The following PRKCE variants were observed in gnomAD, a reference collection of about 807,000 sequenced individuals.
The protein encoded by PRKCE is protein kinase C epsilon type.
A neutral mutation model predicts 85.4 loss-of-function variants in PRKCE; 16 were observed. The observed-to-expected ratio is 0.19, with a 90% CI of 0.13 to 0.28. The LOEUF (loss-of-function observed/expected upper bound fraction) is 0.28. Among genes scored for constraint, PRKCE ranks in the 10% least tolerant of loss-of-function variants. PRKCE has a pLI of 1.00. For synonymous variants in PRKCE, 388 were observed against 371.5 expected (o/e 1.04, Z -0.51); for missense variants, 573 against 975.2 (o/e 0.59, Z 5.49).
chr2:45,729,541 A>C (rs1002214281), intron 1 of PRKCE, among the ~76,000 whole-genome samples: 1 of 152,150 alleles, frequency 6.6e-6, no homozygotes, highest in African/African-American at 2.4e-5. Flanking sequence ...AGCCTGAAGG[A>C]TATTTTTAGG....
At chr2:46,144,280 C>G (rs1426111170) in intron 11 of PRKCE, among the ~76,000 whole-genome samples, 1 of 152,186 alleles carries the variant, frequency 6.6e-6, no homozygotes, top group Non-Finnish European at 1.5e-5. Context: ...TTTCCCCCAC[C>G]CAGCCTGCTT....
At chr2:45,760,733 T>C (rs1684398981) in intron 1 of PRKCE, among the ~76,000 whole-genome samples, 2 of 152,178 alleles carry the variant, frequency 1.3e-5, no homozygotes, top group South Asian at 2.1e-4. Context: ...GGAAAGCTCG[T>C]TGGCCTTGGT....
intron 10 of PRKCE, among the ~76,000 whole-genome samples, chr2:46,080,369 A>G (rs1052975873): frequency 6.6e-6 from 1 of 152,248 alleles, no homozygotes; most frequent in Non-Finnish European, 1.5e-5. Flanking sequence ...GGTCATGAAC[A>G]TGGAGCTTTG....
intron 2 of PRKCE, among the ~76,000 whole-genome samples, chr2:45,965,468 A>C (rs1373187728): frequency 6.6e-6 from 1 of 152,248 alleles, no homozygotes; most frequent in African/African-American, 2.4e-5. Context: ...TGAAAGGGAA[A>C]ATTAAGTAGA....
chr2:45,796,540 T>A (rs1251794563), intron 1 of PRKCE, among the ~76,000 whole-genome samples: 1 of 152,182 alleles, frequency 6.6e-6, no homozygotes, highest in Non-Finnish European at 1.5e-5. Flanking sequence ...GGTGGCACTG[T>A]CTTATCTTGA....
At chr2:45,999,272 T>A (rs191711270) in intron 6 of PRKCE, among the ~76,000 whole-genome samples, 26 of 152,320 alleles carry the variant, frequency 1.7e-4, no homozygotes, top group African/African-American at 6.3e-4. Flanking sequence ...GGCAGATCAC[T>A]GCCCATAAAT....
intron 10 of PRKCE, among the ~76,000 whole-genome samples, chr2:46,011,886 T>G (rs1705711282): frequency 6.6e-6 from 1 of 152,212 alleles, no homozygotes; most frequent in Admixed American, 6.5e-5. Context: ...AAATATCGTC[T>G]GAAAATCTGG....
chr2:46,047,662 C>G (rs1708608664), intron 10 of PRKCE, among the ~76,000 whole-genome samples: 1 of 152,222 alleles, frequency 6.6e-6, no homozygotes, highest in Non-Finnish European at 1.5e-5. Flanking sequence ...TGGACAATGT[C>G]ATTTGTTGAA....
At chr2:46,060,186 C>T (rs1370473972) in intron 10 of PRKCE, among the ~76,000 whole-genome samples, 1 of 152,118 alleles carries the variant, frequency 6.6e-6, no homozygotes, top group African/African-American at 2.4e-5. Flanking sequence ...AGTCTTTTTG[C>T]CATATCTTTT....
At chr2:45,918,188 A>G (rs895906555) in intron 2 of PRKCE, among the ~76,000 whole-genome samples, 2 of 152,196 alleles carry the variant, frequency 1.3e-5, no homozygotes, top group Non-Finnish European at 2.9e-5. Context: ...CAGAGGAGGC[A>G]CCGAGAGCGA....
intron 1 of PRKCE, among the ~76,000 whole-genome samples, chr2:45,834,775 A>T (rs2105425580): frequency 6.6e-6 from 1 of 152,274 alleles, no homozygotes. Flanking sequence ...TCGCATGGTG[A>T]TCTACCATAT....
intron 7 of PRKCE, among the ~76,000 whole-genome samples, chr2:46,003,590 A>G (rs1310690541): frequency 1.3e-5 from 2 of 152,238 alleles, no homozygotes; most frequent in Non-Finnish European, 2.9e-5. Context: ...ACACCTCACA[A>G]TATACACATA....
At position 45,838,630 on chromosome 2, in the gene PRKCE, A is replaced by T. The variant is rs1691092141; in HGVS notation, c.349-4370A>T. Among the ~76,000 whole-genome samples, 3 of 152,216 alleles carry T rather than the reference A, an allele frequency of 2.0e-5. No individual in the cohort carries two copies. The South Asian group carries it at 6.2e-4, about 32-fold the overall frequency. ...TACAATACTCTTACCTTAGTTAAAA[A>T]AAAATGTTTTCAGAGACAGGATCTC... On this transcript the variant is annotated intron_variant, in intron 1 of 14. Transcript: ENST00000306156.
intron 1 of PRKCE, among the ~76,000 whole-genome samples, chr2:45,797,322 A>G (rs1345146717): frequency 1.3e-5 from 2 of 152,152 alleles, no homozygotes; most frequent in African/African-American, 4.8e-5. Flanking sequence ...GGAGGGAGCC[A>G]CGCATGTCCT....
chr2:45,903,967 G>T (rs1696782835), intron 2 of PRKCE, among the ~76,000 whole-genome samples: 1 of 150,648 alleles, frequency 6.6e-6, no homozygotes, highest in Non-Finnish European at 1.5e-5. Flanking sequence ...GCAGTGGCAT[G>T]ATCCCTGCTC....
chr2:45,680,340 C>T (rs535000865), intron 1 of PRKCE, among the ~76,000 whole-genome samples: 1 of 152,314 alleles, frequency 6.6e-6, no homozygotes, highest in Non-Finnish European at 1.5e-5. Context: ...AGCATACAAC[C>T]GCTCTGTGTG....
chr2:46,184,971 C>T lies in PRKCE; in HGVS notation c.*90C>T. 2.0e-6 allele frequency: 3 copies of T among 1,509,152 alleles called. No homozygotes were observed. The highest frequency in any genetic ancestry group is 2.7e-6 in the Non-Finnish European group (3 of 1,116,392). The allele number at this position is 1,509,152 out of a possible 1,614,324, so 93.5% of individuals were successfully genotyped here. ...GAGACACTCAGCAGGTCTTGAACTA[C>T]TTCTCCTCCTCGGAGCCCCAGTCCC... On this transcript the variant is annotated 3_prime_UTR_variant, in exon 15 of 15. Transcript: ENST00000306156. The surrounding 1 kb of genome is among the most constrained non-coding windows in gnomAD (Gnocchi z 5.0).
intron 1 of PRKCE, among the ~76,000 whole-genome samples, chr2:45,654,317 G>A (rs542060606): frequency 1.1e-4 from 16 of 152,374 alleles, no homozygotes; most frequent in African/African-American, 2.4e-4. Context: ...ATCCCTCCTA[G>A]TGAAGCATGC....
At position 46,184,373 on chromosome 2, in the gene PRKCE, G is replaced by A. The variant is rs1305599086; in HGVS notation, c.2068-362G>A. Among the ~76,000 whole-genome samples, 1 of 151,960 alleles carries A rather than the reference G, an allele frequency of 6.6e-6. No homozygotes were observed. Among genetic ancestry groups the A allele is most frequent in the Admixed American group, 6.6e-5 (1 of 15,258 alleles). Reference sequence around the variant, plus strand: ...AGGGAGGAATGTTGTAATGGAGCCAGTAGGTTACAGCAGTTGCTGAAAGAG... The same window carrying A: ...AGGGAGGAATGTTGTAATGGAGCCAATAGGTTACAGCAGTTGCTGAAAGAG... On this transcript the variant is annotated intron_variant, in intron 14 of 14. Coordinates refer to ENST00000306156, the MANE Select transcript of PRKCE (RefSeq NM_005400.3). The surrounding 1 kb of genome is among the most constrained non-coding windows in gnomAD (Gnocchi z 5.0).
Sources: gnomAD v4.1 joint callset for allele counts (sites outside exome capture counted in the v4.1 genomes callset) on GRCh38, gnomAD v4.1.1 for gene constraint, Gnocchi (gnomAD v3.1) non-coding constraint, MANE v1.5 for transcripts, NCBI Gene and HGNC (gene_info 2026-07-23, HGNC 2026-07-21) for gene names.